ERC2: variants seen among roughly 807,000 people sequenced by gnomAD.
The protein encoded by ERC2 is ELKS/RAB6-interacting/CAST family member 2.
A neutral mutation model predicts 114.8 loss-of-function variants in ERC2; 42 were observed. That is an observed-to-expected ratio of 0.37 (90% CI 0.29 to 0.47). The LOEUF (loss-of-function observed/expected upper bound fraction) is 0.47, where lower values mean the gene tolerates loss of function less well. ERC2 is among the 20% of genes least tolerant of loss of function. ERC2 has a pLI of 0.99. For synonymous variants in ERC2, 454 were observed against 425.5 expected (o/e 1.07, Z -0.82); for missense variants, 939 against 1,150.7 (o/e 0.82, Z 2.66).
intron 17 of ERC2, among the ~76,000 whole-genome samples, chr3:55,551,523 AAAAAAAC>A (rs1320991656): frequency 1.2e-4 from 19 of 152,128 alleles, no homozygotes; most frequent in African/African-American, 3.6e-4. Flanking sequence ...ATTCCGTCTC[AAAAAAAC>A]AAAAAACAAA....
At chr3:56,158,856 A>T (rs1352014) in intron 4 of ERC2, among the ~76,000 whole-genome samples, 83,802 of 151,484 alleles carry the variant, frequency 0.55, 23,791 homozygotes, top group East Asian at 0.84. Flanking sequence ...TTTAGAAAAA[A>T]GCACATTATT....
chr3:55,644,385 T>C (rs2148661924), intron 17 of ERC2, among the ~76,000 whole-genome samples: 1 of 152,300 alleles, frequency 6.6e-6, no homozygotes, highest in Non-Finnish European at 1.5e-5. Context: ...GCATGGTATA[T>C]GGACATATAA....
At chr3:56,408,918 C>A (rs1229559874) in intron 2 of ERC2, among the ~76,000 whole-genome samples, 1 of 152,210 alleles carries the variant, frequency 6.6e-6, no homozygotes, top group African/African-American at 2.4e-5. Flanking sequence ...ACGAGGCTGG[C>A]GTGGCCAGGA....
At chr3:56,319,622 A>G (rs563832785) in intron 2 of ERC2, among the ~76,000 whole-genome samples, 2 of 152,260 alleles carry the variant, frequency 1.3e-5, no homozygotes, top group South Asian at 2.1e-4. Flanking sequence ...GGTAGATTTC[A>G]TGTTAAATGT....
At chr3:55,943,141 T>C (rs1364274260) in intron 13 of ERC2, among the ~76,000 whole-genome samples, 3 of 152,206 alleles carry the variant, frequency 2.0e-5, no homozygotes, top group South Asian at 2.1e-4. Context: ...ACTGGCCCTT[T>C]TGATGCATGT....
chr3:55,919,521 T>C (rs986861061), intron 13 of ERC2, among the ~76,000 whole-genome samples: 2 of 152,182 alleles, frequency 1.3e-5, no homozygotes, highest in African/African-American at 4.8e-5. Context: ...TACACATTTA[T>C]TCAATCAACA....
Position 55,603,818 on chromosome 3 carries a change from A to G in ERC2, c.*39+79976T>C, listed in dbSNP as rs533167958. 9.2e-5 allele frequency among the ~76,000 whole-genome samples: 14 copies of G among 152,312 alleles called. No individual in the cohort carries two copies. The East Asian group carries it at 2.3e-3, about 25-fold the overall frequency. On this transcript the variant is annotated intron_variant, in intron 17 of 17. Coordinates refer to ENST00000288221, the MANE Select transcript of ERC2 (RefSeq NM_015576.3). The stretch of plus-strand genomic sequence containing the variant: ...TTTATACACAAATCACACGGTATAC[A>G]TGATATCCCAAAGATCAAAACTGGC...
intron 16 of ERC2, among the ~76,000 whole-genome samples, chr3:55,694,751 A>G (rs1457116538): frequency 1.3e-5 from 2 of 152,200 alleles, no homozygotes; most frequent in East Asian, 3.9e-4. Flanking sequence ...CAAGTGCTTT[A>G]ACACATAGAA....
intron 3 of ERC2, among the ~76,000 whole-genome samples, chr3:56,229,870 T>C (rs2050500640): frequency 7.6e-6 from 1 of 132,028 alleles, no homozygotes; most frequent in Admixed American, 7.6e-5. Context: ...GTCTTTTTTT[T>C]TTTTTTTTTT....
rs913461659 is a variant in ERC2 at position 56,139,791 on chromosome 3, G to C, written c.1306-115C>G. 76 of 1,168,726 alleles carry C rather than the reference G, an allele frequency of 6.5e-5. 1 individual carries two copies. In the Admixed American group the frequency reaches 1.4e-3, roughly 22 times the overall value. 72.4% of individuals were successfully genotyped at this position (1,168,726 alleles called of 1,614,324 possible). On this transcript the variant is annotated intron_variant, in intron 5 of 17. Coordinates refer to ENST00000288221, the MANE Select transcript of ERC2 (RefSeq NM_015576.3). ...AGCCAGTGATCAATAATCCAACAAG[G>C]CAGGCCACGAATTTGCTTAAAAAAG...
chr3:55,783,393 T>G (rs1046948270), intron 14 of ERC2, among the ~76,000 whole-genome samples: 1 of 152,220 alleles, frequency 6.6e-6, no homozygotes, highest in Non-Finnish European at 1.5e-5. Context: ...CACTCAGCAA[T>G]GTGCCTAGAT....
chr3:55,552,089 G>C (rs1472433655), intron 17 of ERC2, among the ~76,000 whole-genome samples: 1 of 152,098 alleles, frequency 6.6e-6, no homozygotes, highest in Non-Finnish European at 1.5e-5. Flanking sequence ...GAGCTAGCTC[G>C]GTCCTCAACT....
At chr3:55,896,272 G>A (rs1023905334) in intron 13 of ERC2, among the ~76,000 whole-genome samples, 1 of 152,206 alleles carries the variant, frequency 6.6e-6, no homozygotes, top group Non-Finnish European at 1.5e-5. Context: ...AAAAGTACTG[G>A]GTGGTGCAAA....
At chr3:55,729,819 T>C (rs1321778313) in intron 15 of ERC2, among the ~76,000 whole-genome samples, 2 of 91,950 alleles carry the variant, frequency 2.2e-5, no homozygotes, top group Non-Finnish European at 3.9e-5. Context: ...GCCAGGGTAA[T>C]GCAGTGAGAC....
intron 14 of ERC2, 64 bp downstream of exon 14, chr3:55,888,325 C>T: frequency 7.6e-6 from 12 of 1,577,644 alleles, no homozygotes; most frequent in Non-Finnish European, 8.7e-6. Flanking sequence ...TCTAGCCCTT[C>T]CCCTTTCCCA....
At chr3:55,757,853 A>C (rs1231713163) in intron 14 of ERC2, among the ~76,000 whole-genome samples, 2 of 152,174 alleles carry the variant, frequency 1.3e-5, no homozygotes, top group Non-Finnish European at 2.9e-5. Flanking sequence ...TTTCACTCTT[A>C]GATCATTAAA....
intron 3 of ERC2, among the ~76,000 whole-genome samples, chr3:56,225,950 G>C (rs1159479747): frequency 6.6e-6 from 1 of 152,112 alleles, no homozygotes; most frequent in African/African-American, 2.4e-5. Context: ...CTAAGCACTA[G>C]CATTTATGGC....
At chr3:55,699,710 G>A (rs1171894259) in intron 15 of ERC2, among the ~76,000 whole-genome samples, 198 bp from the exon 16 acceptor site, 1 of 152,166 alleles carries the variant, frequency 6.6e-6, no homozygotes, top group East Asian at 1.9e-4. Flanking sequence ...CATCCTTAAA[G>A]CTATTATGTT....
chr3:55,580,387 C>T (rs1157740590), intron 17 of ERC2, among the ~76,000 whole-genome samples: 1 of 152,122 alleles, frequency 6.6e-6, no homozygotes, highest in Non-Finnish European at 1.5e-5. Flanking sequence ...AATGTCTTTT[C>T]AATGTCAGGA....
Sources: allele counts gnomAD v4.1 joint callset (sites outside exome capture counted in the v4.1 genomes callset), GRCh38; gene constraint gnomAD v4.1.1; transcripts MANE v1.5; gene names NCBI Gene and HGNC (gene_info 2026-07-23, HGNC 2026-07-21).